The following CMTM7 variants were observed in gnomAD, a reference collection of about 807,000 sequenced individuals.
CMTM7 encodes CKLF like MARVEL transmembrane domain containing 7, also known as CKLF-like MARVEL transmembrane domain-containing protein 7.
CMTM7 carries 7 observed loss-of-function variants against 19.3 expected under a neutral mutation model. That is an observed-to-expected ratio of 0.36 (90% CI 0.21 to 0.68). CMTM7 has a LOEUF of 0.68. Among genes scored for constraint, CMTM7 ranks in the 30% least tolerant of loss-of-function variants. The probability of loss-of-function intolerance (pLI) is 0.60; values close to 1 mark genes in which losing one functional copy is unlikely to be tolerated. For missense variants in CMTM7, 193 were observed against 232.6 expected (o/e 0.83, Z 1.11); for synonymous variants, 87 against 99.3 (o/e 0.88, Z 0.74).
At chr3:32,439,068 T>C (rs3889267) in intron 1 of CMTM7, among the ~76,000 whole-genome samples, 166 of 152,298 alleles carry the variant, frequency 1.1e-3, no homozygotes, top group African/African-American at 4.0e-3. Context: ...CATGTAGATG[T>C]GGCCTGGAAG....
At chr3:32,406,122 T>C (rs1007644577) in intron 1 of CMTM7, among the ~76,000 whole-genome samples, 3 of 152,234 alleles carry the variant, frequency 2.0e-5, no homozygotes, top group Non-Finnish European at 4.4e-5. Context: ...CTCTATACTT[T>C]TATTACCTAA....
chr3:32,433,316 G>C (rs1696547773), intron 1 of CMTM7, among the ~76,000 whole-genome samples: 1 of 152,204 alleles, frequency 6.6e-6, no homozygotes, highest in African/African-American at 2.4e-5. Flanking sequence ...GTGAATCAGT[G>C]ATGTGATTGT....
chr3:32,442,728 G>C (rs1000637898), intron 2 of CMTM7, among the ~76,000 whole-genome samples: 1 of 152,128 alleles, frequency 6.6e-6, no homozygotes, highest in Non-Finnish European at 1.5e-5. Flanking sequence ...GAAGTTGCCA[G>C]ACTTTTTCTT....
chr3:32,412,610 G>GT (rs59220521), intron 1 of CMTM7, among the ~76,000 whole-genome samples: 11,379 of 142,414 alleles, frequency 0.08, 846 homozygotes, highest in East Asian at 0.15. Context: ...TAGACCTAGC[G>GT]TTTTTTTTTA....
intron 1 of CMTM7, among the ~76,000 whole-genome samples, chr3:32,398,915 C>G (rs1052076048): frequency 1.6e-4 from 24 of 152,040 alleles, no homozygotes; most frequent in African/African-American, 5.8e-4. Context: ...GAGGTCTAGG[C>G]TGCAGTGAGT....
chr3:32,400,278 G>A (rs1323950712), intron 1 of CMTM7, among the ~76,000 whole-genome samples: 1 of 151,700 alleles, frequency 6.6e-6, no homozygotes, highest in Non-Finnish European at 1.5e-5. Context: ...CCTTGGCCTC[G>A]CAAAGTGCTA....
intron 1 of CMTM7, among the ~76,000 whole-genome samples, chr3:32,411,491 G>A (rs1195464473): frequency 1.3e-5 from 2 of 152,144 alleles, no homozygotes; most frequent in African/African-American, 4.8e-5. Context: ...GCTATCAAGA[G>A]TGTGAGCCAT....
At chr3:32,427,758 T>G (rs1050647268) in intron 1 of CMTM7, among the ~76,000 whole-genome samples, 2 of 152,172 alleles carry the variant, frequency 1.3e-5, no homozygotes, top group Non-Finnish European at 2.9e-5. Flanking sequence ...CTGTAGTCTA[T>G]TTCAATTTGG....
At chr3:32,410,566 G>A (rs1387050501) in intron 1 of CMTM7, among the ~76,000 whole-genome samples, 1 of 152,188 alleles carries the variant, frequency 6.6e-6, no homozygotes, top group Non-Finnish European at 1.5e-5. Flanking sequence ...GCCCAGAACA[G>A]GCCATGGGGC....
At chr3:32,410,722 C>T (rs1191985203) in intron 1 of CMTM7, among the ~76,000 whole-genome samples, 1 of 152,186 alleles carries the variant, frequency 6.6e-6, no homozygotes, top group Non-Finnish European at 1.5e-5. Flanking sequence ...ATGCAGTTTT[C>T]GTAGTAGCTG....
chr3:32,413,034 C>T (rs187433787), intron 1 of CMTM7, among the ~76,000 whole-genome samples: 143 of 152,242 alleles, frequency 9.4e-4, no homozygotes, highest in African/African-American at 3.3e-3. Flanking sequence ...CAAACTACAG[C>T]CCACAGACCA....
rs535780749 is a variant in CMTM7, at chr3:32,406,755, A to G, written c.159+14690A>G. 9.8e-5 allele frequency among the ~76,000 whole-genome samples: 15 copies of G among 152,354 alleles called. No individual in the cohort carries two copies. The East Asian group carries it at 2.9e-3, about 29-fold the overall frequency. On this transcript the variant is annotated intron_variant, in intron 1 of 4. Coordinates refer to ENST00000334983, the MANE Select transcript of CMTM7 (RefSeq NM_138410.4). ...TTGAGCGAGGAAAGTAAGCAAGGGT[A>G]GAAAGAGCAGGACAAAGACGAGTTT...
At chr3:32,403,504 T>C (rs1300051376) in intron 1 of CMTM7, among the ~76,000 whole-genome samples, 1 of 152,146 alleles carries the variant, frequency 6.6e-6, no homozygotes, top group African/African-American at 2.4e-5. Flanking sequence ...TGAGCCATGG[T>C]GCCGGCCGGG....
chr3:32,406,407 A>AT (rs1175142238), intron 1 of CMTM7, among the ~76,000 whole-genome samples: 28 of 152,266 alleles, frequency 1.8e-4, no homozygotes, highest in African/African-American at 6.0e-4. Flanking sequence ...GCTTTTCAAC[A>AT]TTTTTGCATG....
intron 1 of CMTM7, among the ~76,000 whole-genome samples, chr3:32,417,108 C>T (rs1414090372): frequency 2.0e-5 from 3 of 152,214 alleles, no homozygotes; most frequent in African/African-American, 7.2e-5. Context: ...CAATCAATTT[C>T]GGAACACTTA....
intron 1 of CMTM7, among the ~76,000 whole-genome samples, chr3:32,436,711 G>T (rs1199513719): frequency 6.6e-6 from 1 of 152,092 alleles, no homozygotes; most frequent in Non-Finnish European, 1.5e-5. Context: ...CAAAAGGAAA[G>T]GTGTCTGGTG....
At chr3:32,434,467 T>TA (rs397989116) in intron 1 of CMTM7, among the ~76,000 whole-genome samples, 1,600 of 145,304 alleles carry the variant, frequency 0.011, 27 homozygotes, top group African/African-American at 0.039. Context: ...TGGCCAATTT[T>TA]AAAAATTTTT....
rs1207861330 is a variant in CMTM7, at chr3:32,401,746, G to A, written c.159+9681G>A. Among the ~76,000 whole-genome samples the A allele has an allele frequency of 5.3e-5, 8 of 152,370 alleles. No homozygotes were observed. In the East Asian group the frequency reaches 1.5e-3, roughly 29 times the overall value. ...CCTTCTTTGTTACTACTTTGGCTCA[G>A]TGGTTTCCTGGGCTCGCTGCTCATT... On this transcript the variant is annotated intron_variant, in intron 1 of 4. Transcript: ENST00000334983.
chr3:32,427,528 A>G (rs1400801701), intron 1 of CMTM7, among the ~76,000 whole-genome samples: 2 of 152,196 alleles, frequency 1.3e-5, no homozygotes, highest in African/African-American at 2.4e-5. Flanking sequence ...CACTAGCTAC[A>G]TGAGGGCTAT....
Sources: gnomAD v4.1 joint callset for allele counts (sites outside exome capture counted in the v4.1 genomes callset) on GRCh38, gnomAD v4.1.1 for gene constraint, MANE v1.5 for transcripts, NCBI Gene and HGNC (gene_info 2026-07-23, HGNC 2026-07-21) for gene names.